Variants in QTMAN observed in about 807,000 individuals in gnomAD.
The protein encoded by QTMAN is queuosine-tRNA mannosyltransferase, also known as tRNA-queuosine alpha-mannosyltransferase.
the QTMAN span, among the ~76,000 whole-genome samples, chr2:144,238,900 T>C: frequency 6.6e-6 from 1 of 152,044 alleles, no homozygotes; most frequent in African/African-American, 2.4e-5. Context: ...TCTACTAGAC[T>C]GTGGCATTGG....
the QTMAN span, among the ~76,000 whole-genome samples, chr2:144,234,334 T>C: frequency 3.1e-4 from 47 of 152,244 alleles, no homozygotes; most frequent in Middle Eastern, 3.4e-3. Flanking sequence ...AAATATACTA[T>C]CTGAATCTGG....
At chr2:144,112,149 T>C in the QTMAN span, among the ~76,000 whole-genome samples, 2 of 152,200 alleles carry the variant, frequency 1.3e-5, no homozygotes, top group African/African-American at 2.4e-5. Flanking sequence ...CAGTTCAAAA[T>C]AGTTAAGCAA....
the QTMAN span, among the ~76,000 whole-genome samples, chr2:144,047,461 T>A: frequency 6.6e-6 from 1 of 152,098 alleles, no homozygotes; most frequent in Non-Finnish European, 1.5e-5. Flanking sequence ...CTTGGTTAAC[T>A]TAGAAAATTT....
chr2:144,203,635 A>T, the QTMAN span, among the ~76,000 whole-genome samples: 1 of 152,214 alleles, frequency 6.6e-6, no homozygotes, highest in Non-Finnish European at 1.5e-5. Flanking sequence ...ACAGATTCAC[A>T]GACCCAGAAA....
the QTMAN span, among the ~76,000 whole-genome samples, chr2:144,064,806 T>A: frequency 6.6e-6 from 1 of 152,218 alleles, no homozygotes; most frequent in Non-Finnish European, 1.5e-5. Context: ...CATGTTACTA[T>A]GTTACCCCAA....
At chr2:144,178,973 A>G in the QTMAN span, 1 of 469,024 alleles carries the variant, frequency 2.1e-6, no homozygotes, top group East Asian at 7.0e-5. Flanking sequence ...GGTAAAAACG[A>G]GAGTTAGAGA....
the QTMAN span, among the ~76,000 whole-genome samples, chr2:144,252,419 C>A: frequency 6.6e-6 from 1 of 151,952 alleles, no homozygotes; most frequent in Admixed American, 6.6e-5. Flanking sequence ...TAAGGGGGGG[C>A]AAAAGCTCTG....
the QTMAN span, among the ~76,000 whole-genome samples, chr2:144,273,070 T>C: frequency 2.6e-5 from 4 of 152,224 alleles, no homozygotes; most frequent in East Asian, 3.9e-4. Context: ...ACCTAATAAA[T>C]TGATAAATAA....
the QTMAN span, among the ~76,000 whole-genome samples, chr2:144,027,967 G>A: frequency 6.6e-6 from 1 of 152,182 alleles, no homozygotes; most frequent in Non-Finnish European, 1.5e-5. Context: ...TTGGCTTAGT[G>A]TGGGGGCCGT....
the QTMAN span, among the ~76,000 whole-genome samples, chr2:144,296,190 A>C: frequency 2.0e-5 from 3 of 152,208 alleles, no homozygotes; most frequent in African/African-American, 7.2e-5. Flanking sequence ...GGAAGATACG[A>C]AAATGCCCAA....
the QTMAN span, among the ~76,000 whole-genome samples, chr2:144,011,337 A>T: frequency 5.9e-5 from 9 of 152,084 alleles, no homozygotes; most frequent in Non-Finnish European, 7.4e-5. Context: ...AACCAACCAC[A>T]TCCACCATCC....
the QTMAN span, among the ~76,000 whole-genome samples, chr2:144,204,102 TA>T: frequency 6.6e-6 from 1 of 152,140 alleles, no homozygotes; most frequent in African/African-American, 2.4e-5. Flanking sequence ...ACTTCATGTC[TA>T]AAACACCAAA....
the QTMAN span, among the ~76,000 whole-genome samples, chr2:144,195,562 T>C: frequency 2.0e-4 from 30 of 152,276 alleles, no homozygotes; most frequent in African/African-American, 7.0e-4. Flanking sequence ...TAAGTTCATG[T>C]TTCCAAAAGC....
chr2:144,221,486 A>T, the QTMAN span, among the ~76,000 whole-genome samples: 1 of 152,236 alleles, frequency 6.6e-6, no homozygotes. Flanking sequence ...AATATATCAT[A>T]ATACGAGAGA....
chr2:143,988,657 T>C, the QTMAN span, among the ~76,000 whole-genome samples: 2 of 152,228 alleles, frequency 1.3e-5, no homozygotes, highest in Non-Finnish European at 2.9e-5. Context: ...GGTGAGCAAC[T>C]TGCCTACACT....
the QTMAN span, among the ~76,000 whole-genome samples, chr2:144,310,245 G>A: frequency 6.6e-6 from 1 of 152,264 alleles, no homozygotes; most frequent in South Asian, 2.1e-4. Flanking sequence ...AAGCCCCAAG[G>A]CCAGCTATTC....
chr2:144,249,141 GT>G, the QTMAN span, among the ~76,000 whole-genome samples: 2 of 152,090 alleles, frequency 1.3e-5, no homozygotes, highest in African/African-American at 4.8e-5. Flanking sequence ...ATAATGTTTG[GT>G]TTTTATTTAG....
the QTMAN span, among the ~76,000 whole-genome samples, chr2:144,033,223 A>C: frequency 6.6e-6 from 1 of 152,234 alleles, no homozygotes; most frequent in Non-Finnish European, 1.5e-5. Flanking sequence ...ACTGCAGTTA[A>C]GGGTTAAGTA....
the QTMAN span, among the ~76,000 whole-genome samples, chr2:144,114,389 A>G: frequency 1.3e-5 from 2 of 152,188 alleles, no homozygotes; most frequent in Non-Finnish European, 2.9e-5. Context: ...TGTCACATAC[A>G]TGCTGGCTCC....
Sources: gnomAD v4.1 joint callset for allele counts (sites outside exome capture counted in the v4.1 genomes callset) on GRCh38, gnomAD v4.1.1 for gene constraint, MANE v1.5 for transcripts, NCBI Gene and HGNC (gene_info 2026-07-23, HGNC 2026-07-21) for gene names.